Variants in HMCN1 observed in about 807,000 individuals in gnomAD.
HMCN1 encodes hemicentin-1.
A neutral mutation model predicts 625.9 loss-of-function variants in HMCN1; 321 were observed. That is an observed-to-expected ratio of 0.51 (90% CI 0.47 to 0.56). The LOEUF (loss-of-function observed/expected upper bound fraction) is 0.56, where lower values mean the gene tolerates loss of function less well. Ranked by LOEUF, HMCN1 falls within the 20% of genes least tolerant of loss-of-function variation. The pLI is 0.00. For missense variants in HMCN1, 6,588 were observed against 6,887.3 expected (o/e 0.96, Z 1.54); for synonymous variants, 2,425 against 2,417.6 (o/e 1.00, Z -0.09).
intron 22 of HMCN1, among the ~76,000 whole-genome samples, chr1:185,991,577 C>A (rs980431869): frequency 1.9e-4 from 29 of 151,940 alleles, no homozygotes; most frequent in Admixed American, 1.7e-3. Context: ...TTGTTACTTG[C>A]CTTATTAAGT....
intron 1 of HMCN1, among the ~76,000 whole-genome samples, chr1:185,761,638 G>C (rs748809984): frequency 2.0e-5 from 3 of 152,052 alleles, no homozygotes; most frequent in Non-Finnish European, 2.9e-5. Context: ...ATCTAGACTA[G>C]GAAACCATTT....
At chr1:186,007,082 GA>G in intron 29 of HMCN1, 45 bp from the exon 30 acceptor site, 1 of 1,471,648 alleles carries the variant, frequency 6.8e-7, no homozygotes, top group East Asian at 2.3e-5. Context: ...TAAGAAATGT[GA>G]AAAACTGAAA....
chr1:185,855,164 C>T lies in HMCN1; in HGVS notation c.339+9068C>T, dbSNP rs1192166439. 4.6e-5 allele frequency among the ~76,000 whole-genome samples: 7 copies of T among 152,190 alleles called. No homozygotes were observed. The South Asian group carries it at 8.3e-4, about 18-fold the overall frequency. Reference sequence around the variant, plus strand: ...TTGGCTAGTAAGACCTTCTTAGACCCTGTCCCTGCCCCCTCTGGCTCTTGC... The same window carrying T: ...TTGGCTAGTAAGACCTTCTTAGACCTTGTCCCTGCCCCCTCTGGCTCTTGC... On this transcript the variant is annotated intron_variant, in intron 2 of 106. Transcript: ENST00000271588.
intron 89 of HMCN1, among the ~76,000 whole-genome samples, chr1:186,140,030 A>G (rs1420632046): frequency 6.6e-6 from 1 of 152,196 alleles, no homozygotes; most frequent in Admixed American, 6.5e-5. Flanking sequence ...AATTATTTCT[A>G]TGTAACACTA....
chr1:185,878,501 A>G (rs73054454), intron 4 of HMCN1, among the ~76,000 whole-genome samples: 10,815 of 152,126 alleles, frequency 0.071, 1,345 homozygotes, highest in African/African-American at 0.25. Flanking sequence ...AGATGATCAC[A>G]TGGTTTTTGT....
chr1:186,159,598 A>C (rs1193417885), intron 97 of HMCN1, among the ~76,000 whole-genome samples: 2 of 152,214 alleles, frequency 1.3e-5, no homozygotes, highest in Non-Finnish European at 2.9e-5. Context: ...CGTCCCATTA[A>C]TACCTAACAT....
At chr1:185,819,320 A>G (rs1012541985) in intron 1 of HMCN1, among the ~76,000 whole-genome samples, 1 of 151,910 alleles carries the variant, frequency 6.6e-6, no homozygotes, top group African/African-American at 2.4e-5. Context: ...TCTTTTTCTA[A>G]ACATTGAGGA....
intron 68 of HMCN1, among the ~76,000 whole-genome samples, chr1:186,096,806 A>G (rs188633569): frequency 2.4e-4 from 37 of 152,304 alleles, no homozygotes; most frequent in Admixed American, 4.6e-4. Flanking sequence ...GATCATTTCA[A>G]TAGATGCGAA....
intron 1 of HMCN1, among the ~76,000 whole-genome samples, chr1:185,749,933 C>T (rs776379700): frequency 6.6e-6 from 1 of 152,244 alleles, no homozygotes; most frequent in Non-Finnish European, 1.5e-5. Flanking sequence ...ATCCTTGATT[C>T]GCATGGCTGG....
intron 64 of HMCN1, among the ~76,000 whole-genome samples, chr1:186,092,464 A>G (rs1247267556): frequency 6.6e-6 from 1 of 152,008 alleles, no homozygotes; most frequent in Non-Finnish European, 1.5e-5. Context: ...TGAAACCACT[A>G]TTGTACAAGT....
At chr1:185,746,957 G>A (rs978981093) in intron 1 of HMCN1, among the ~76,000 whole-genome samples, 1 of 152,042 alleles carries the variant, frequency 6.6e-6, no homozygotes. Context: ...AGCGGCCCAC[G>A]ATACTCCAAT....
At chr1:185,980,443 G>A (rs1277276952) in intron 16 of HMCN1, among the ~76,000 whole-genome samples, 1 of 152,190 alleles carries the variant, frequency 6.6e-6, no homozygotes, top group African/African-American at 2.4e-5. Context: ...CATTTCAGTG[G>A]GAGCTTCAAA....
intron 15 of HMCN1, among the ~76,000 whole-genome samples, chr1:185,974,356 A>G (rs1651049994): frequency 6.6e-6 from 1 of 152,222 alleles, no homozygotes; most frequent in African/African-American, 2.4e-5. Flanking sequence ...ATTATATACT[A>G]AATGATTAAT....
chr1:185,741,978 A>G (rs954187238), intron 1 of HMCN1, among the ~76,000 whole-genome samples: 22 of 152,222 alleles, frequency 1.4e-4, no homozygotes, highest in African/African-American at 5.3e-4. Context: ...ATATAAATAT[A>G]TTGCTGTGTC....
rs757410629 is a variant in HMCN1, at chr1:186,123,213, C to G, written c.12492C>G (p.Thr4164=). The G allele has an allele frequency of 3.1e-6, 5 of 1,613,456 alleles. No individual in the cohort carries two copies. The highest frequency in any genetic ancestry group is 4.2e-6 in the Non-Finnish European group (5 of 1,179,692). The change falls in exon 81 of 107, where the codon ACC becomes ACG. Residue 4164 remains threonine, a synonymous_variant. Transcript: ENST00000271588. ...AGSSSTSTKL[T]VHVPPRIRST... is the part of the protein sequence containing the mutation. ...CAAGCAGCACAAGCACCAAGCTCACCGTCCATGGTAGGTTGTTTAACATGA... is the reference window on the plus strand; with the variant it reads ...CAAGCAGCACAAGCACCAAGCTCACGGTCCATGGTAGGTTGTTTAACATGA...
chr1:186,151,911 G>T (rs1262465994), intron 95 of HMCN1, among the ~76,000 whole-genome samples, 168 bp downstream of exon 95: 1 of 152,132 alleles, frequency 6.6e-6, no homozygotes, highest in Non-Finnish European at 1.5e-5. Context: ...ACTAACATAA[G>T]ATCATAAGAG....
intron 1 of HMCN1, among the ~76,000 whole-genome samples, chr1:185,743,774 G>A (rs575524569): frequency 4.5e-4 from 69 of 152,244 alleles, no homozygotes; most frequent in African/African-American, 1.6e-3. Context: ...ACCTACCTTA[G>A]TGATGCTATC....
At position 185,890,061 on chromosome 1, in the gene HMCN1, T is replaced by G. The variant is rs1192095191; in HGVS notation, c.622-19276T>G. ...TGGGAGAGTGTATGTGTCAAGGAATTTATCCATTTCTTCTAGATTTTCTAG... is the reference window on the plus strand; with the variant it reads ...TGGGAGAGTGTATGTGTCAAGGAATGTATCCATTTCTTCTAGATTTTCTAG... On this transcript the variant is annotated intron_variant, in intron 4 of 106. Transcript: ENST00000271588. Among the ~76,000 whole-genome samples, 3 of 151,832 alleles carry G rather than the reference T, an allele frequency of 2.0e-5. No homozygotes were observed. The South Asian group carries it at 6.2e-4, about 31-fold the overall frequency.
chr1:185,759,849 G>C (rs1359288093), intron 1 of HMCN1, among the ~76,000 whole-genome samples: 1 of 152,054 alleles, frequency 6.6e-6, no homozygotes, highest in African/African-American at 2.4e-5. Context: ...TAATGGGATT[G>C]TGAATATGGA....
Sources: allele counts gnomAD v4.1 joint callset (sites outside exome capture counted in the v4.1 genomes callset), GRCh38; gene constraint gnomAD v4.1.1; transcripts MANE v1.5; gene names NCBI Gene and HGNC (gene_info 2026-07-23, HGNC 2026-07-21).